CDC123: variants seen among roughly 807,000 people sequenced by gnomAD.
CDC123 encodes the protein translation initiation factor eIF2 assembly protein.
In CDC123, 37 loss-of-function variants were observed where a neutral mutation model predicts 54.4. That is an observed-to-expected ratio of 0.68 (90% CI 0.52 to 0.89). The LOEUF is 0.89. Among genes scored for constraint, CDC123 ranks in the 40% least tolerant of loss-of-function variants. CDC123 has a pLI of 0.00. For synonymous variants in CDC123, 144 were observed against 136.8 expected, an observed-to-expected ratio of 1.05 and a Z score of -0.37; for missense variants, 361 against 412.1, an observed-to-expected ratio of 0.88 and a Z score of 1.07.
intron 11 of CDC123, among the ~76,000 whole-genome samples, chr10:12,248,474 T>G (rs1836189888): frequency 6.8e-6 from 1 of 147,554 alleles, no homozygotes; most frequent in South Asian, 2.1e-4. Flanking sequence ...ATCACGCCAT[T>G]GCACTCCAGC....
rs935509051 is a variant in CDC123 at position 12,210,293 on chromosome 10, T to C, written c.208T>C (p.Ser70Pro). Residue 70 changes from serine (S) to proline (P), a missense_variant, in exon 4 of 13, where the codon TCT becomes CCT. Transcript: ENST00000281141. The stretch of plus-strand genomic sequence containing the variant: ...TTTTTTCCTCTTTTTCATGCAGTGG[T>C]CTGATGATGAGAACACAGCCACGCT... ...SDDEAEEIQW[S>P]DDENTATLTA... 13 of 1,614,132 alleles carry C rather than the reference T, an allele frequency of 8.1e-6. 1 individual carries two copies. The Middle Eastern group carries it at 8.2e-4, about 102-fold the overall frequency.
intron 1 of CDC123, among the ~76,000 whole-genome samples, chr10:12,197,707 C>T (rs1262159637): frequency 1.3e-5 from 2 of 149,244 alleles, no homozygotes; most frequent in East Asian, 2.0e-4. Flanking sequence ...GAAATTGTAC[C>T]TTTGATAAAT....
chr10:12,209,478 T>A (rs2131735988), intron 2 of CDC123, among the ~76,000 whole-genome samples: 1 of 152,284 alleles, frequency 6.6e-6, no homozygotes, highest in South Asian at 2.1e-4. Flanking sequence ...CAAGCAATCC[T>A]CCCATCTCAG....
At chr10:12,196,431 G>GA in intron 1 of CDC123, 112 bp downstream of exon 1, 1 of 1,382,776 alleles carries the variant, frequency 7.2e-7, no homozygotes. Flanking sequence ...GCATGGGAGG[G>GA]AGTGTGTCGA....
intron 11 of CDC123, chr10:12,246,716 C>T (rs1181348214): frequency 6.5e-6 from 1 of 154,970 alleles, no homozygotes; most frequent in Non-Finnish European, 1.4e-5. Flanking sequence ...TTCCTTCCTT[C>T]CTCTCAGCAG....
chr10:12,234,820 C>A, intron 7 of CDC123, among the ~76,000 whole-genome samples: 1 of 141,166 alleles, frequency 7.1e-6, no homozygotes, highest in East Asian at 2.1e-4. Flanking sequence ...ATGGCGTGAT[C>A]TTGGCTCTCT....
intron 10 of CDC123, among the ~76,000 whole-genome samples, chr10:12,242,479 T>TA (rs1476988591): frequency 1.3e-5 from 2 of 152,202 alleles, no homozygotes; most frequent in Non-Finnish European, 2.9e-5. Context: ...GATTTTGTGT[T>TA]ACGATCTTCA....
intron 11 of CDC123, among the ~76,000 whole-genome samples, chr10:12,249,051 C>T (rs1014847795): frequency 6.6e-6 from 1 of 150,632 alleles, no homozygotes; most frequent in Non-Finnish European, 1.5e-5. Flanking sequence ...GCAGAGGTTG[C>T]AGTGAGCAAC....
chr10:12,231,203 A>T (rs1194937901), intron 7 of CDC123, among the ~76,000 whole-genome samples: 1 of 152,258 alleles, frequency 6.6e-6, no homozygotes, highest in East Asian at 1.9e-4. Flanking sequence ...TATGCAGTAT[A>T]CACTTGCTAC....
intron 9 of CDC123, among the ~76,000 whole-genome samples, chr10:12,237,739 A>G (rs1216762677): frequency 6.6e-6 from 1 of 152,062 alleles, no homozygotes; most frequent in Admixed American, 6.6e-5. Flanking sequence ...AGCCATGTTA[A>G]TTTCATCTTA....
At chr10:12,231,868 T>TA (rs1250076938) in intron 7 of CDC123, among the ~76,000 whole-genome samples, 2 of 151,942 alleles carry the variant, frequency 1.3e-5, no homozygotes, top group Non-Finnish European at 2.9e-5. Flanking sequence ...TTTTTTGAGA[T>TA]ACAGTTTTGC....
intron 2 of CDC123, among the ~76,000 whole-genome samples, chr10:12,206,377 G>A (rs975106970): frequency 2.6e-5 from 4 of 152,236 alleles, no homozygotes; most frequent in East Asian, 1.9e-4. Flanking sequence ...AAAGAGAGAC[G>A]TAAGAGAGAA....
At chr10:12,222,752 T>C (rs929945791) in intron 6 of CDC123, among the ~76,000 whole-genome samples, 6 of 151,870 alleles carry the variant, frequency 4.0e-5, no homozygotes, top group Non-Finnish European at 4.4e-5. Flanking sequence ...GTCTTAGTAA[T>C]TTTTTTTTAA....
chr10:12,236,839 C>T (rs551880643), intron 8 of CDC123, among the ~76,000 whole-genome samples: 5 of 151,030 alleles, frequency 3.3e-5, no homozygotes, highest in East Asian at 2.0e-4. Context: ...TGCAGTGAGC[C>T]GAGATCGTGC....
intron 2 of CDC123, among the ~76,000 whole-genome samples, chr10:12,205,454 C>G (rs1588670095): frequency 6.6e-6 from 1 of 152,190 alleles, no homozygotes; most frequent in East Asian, 1.9e-4. Flanking sequence ...AAATCCCAAA[C>G]ACTTTTGACC....
chr10:12,241,152 C>G (rs767581530), intron 10 of CDC123, among the ~76,000 whole-genome samples: 7 of 131,604 alleles, frequency 5.3e-5, no homozygotes, highest in Admixed American at 2.9e-4. Context: ...ATTTCTACTT[C>G]TATTTTTCTT....
intron 6 of CDC123, among the ~76,000 whole-genome samples, chr10:12,219,053 G>A (rs1162720617): frequency 2.6e-5 from 4 of 152,158 alleles, no homozygotes; most frequent in South Asian, 2.1e-4. Flanking sequence ...TGCCACTTCC[G>A]CCCTGTCCAG....
At chr10:12,244,252 C>T (rs10906105) in intron 10 of CDC123, among the ~76,000 whole-genome samples, 26,013 of 152,242 alleles carry the variant, frequency 0.17, 2,657 homozygotes, top group Non-Finnish European at 0.24. Context: ...CACAGACACA[C>T]ACCCGCTCAG....
At chr10:12,219,489 C>T (rs1835705516) in intron 6 of CDC123, among the ~76,000 whole-genome samples, 1 of 152,020 alleles carries the variant, frequency 6.6e-6, no homozygotes, top group African/African-American at 2.4e-5. Flanking sequence ...AATTGTCAAC[C>T]CTCTGGTTGT....
Sources: gnomAD v4.1 joint callset for allele counts (sites outside exome capture counted in the v4.1 genomes callset) on GRCh38, gnomAD v4.1.1 for gene constraint, MANE v1.5 for transcripts, NCBI Gene and HGNC (gene_info 2026-07-23, HGNC 2026-07-21) for gene names.